NUP93: variants seen among roughly 807,000 people sequenced by gnomAD.
NUP93 encodes nuclear pore complex protein Nup93.
NUP93 carries 55 observed loss-of-function variants against 107.8 expected under a neutral mutation model. The observed-to-expected ratio is 0.51, with a 90% CI of 0.41 to 0.64. NUP93 has a LOEUF of 0.64. Ranked by LOEUF, NUP93 falls within the 30% of genes least tolerant of loss-of-function variation. The pLI is 0.00. For synonymous variants in NUP93, 390 were observed against 397.5 expected (o/e 0.98, Z 0.22); for missense variants, 937 against 1,044.7 (o/e 0.90, Z 1.42).
intron 3 of NUP93, among the ~76,000 whole-genome samples, chr16:56,765,752 A>G (rs1456016074): frequency 6.6e-6 from 1 of 152,226 alleles, no homozygotes; most frequent in African/African-American, 2.4e-5. Flanking sequence ...TAGAGCTGGT[A>G]AAAACCATTA....
intron 2 of NUP93, 127 bp downstream of exon 2, chr16:56,748,553 A>C: frequency 9.9e-6 from 8 of 809,920 alleles, no homozygotes; most frequent in African/African-American, 1.7e-5. Context: ...TTGGGAACTC[A>C]GAAAGTGTTG....
chr16:56,731,983 C>G (rs1448772461), intron 1 of NUP93, among the ~76,000 whole-genome samples: 1 of 152,152 alleles, frequency 6.6e-6, no homozygotes, highest in Non-Finnish European at 1.5e-5. Context: ...TTTACATAAT[C>G]TGACCCACTG....
chr16:56,846,039 G>A lies in NUP93; in HGVS notation c.*1430G>A, dbSNP rs1197500358. Reference sequence around the variant, plus strand: ...AGTCTTGAAACATGAGCCCTGCAGAGGCCTTGATTTAGCAAGTTGTGCCCT... The same window carrying A: ...AGTCTTGAAACATGAGCCCTGCAGAAGCCTTGATTTAGCAAGTTGTGCCCT... On this transcript the variant is annotated 3_prime_UTR_variant, in exon 22 of 22. Transcript: ENST00000308159. 1 of 152,118 alleles carries A rather than the reference G, an allele frequency of 6.6e-6. No homozygotes were observed. The highest frequency in any genetic ancestry group is 1.5e-5 in the Non-Finnish European group (1 of 68,036). The allele number at this position is 152,118 out of a possible 1,614,324, so 9.4% of individuals were successfully genotyped here.
At chr16:56,756,230 A>C (rs1258733872) in intron 2 of NUP93, among the ~76,000 whole-genome samples, 1 of 149,462 alleles carries the variant, frequency 6.7e-6, no homozygotes, top group Admixed American at 6.8e-5. Flanking sequence ...ACACTTATCA[A>C]CCTGTCATCT....
chr16:56,752,697 AC>A (rs1323808738), intron 2 of NUP93, among the ~76,000 whole-genome samples: 4 of 152,240 alleles, frequency 2.6e-5, no homozygotes, highest in Non-Finnish European at 4.4e-5. Flanking sequence ...AATAGCCAAA[AC>A]AATCTTTAAA....
intron 5 of NUP93, 62 bp downstream of exon 5, chr16:56,805,694 C>T: frequency 6.5e-7 from 1 of 1,529,770 alleles, no homozygotes; most frequent in Non-Finnish European, 8.9e-7. Context: ...GAATACTTGT[C>T]TACTTGACTA....
In NUP93 at chr16:56,774,327, C is replaced by T. The variant is rs1962373684; in HGVS notation, c.297+15672C>T. ...GGAGCCAGGAGAGATGAAAGATGGA[C>T]TTGTTTTTATTCATTAACCTGATTT... On this transcript the variant is annotated intron_variant, in intron 3 of 21. Transcript: ENST00000308159. Among the ~76,000 whole-genome samples, 3 of 152,302 alleles carry T rather than the reference C, an allele frequency of 2.0e-5. No homozygotes were observed. The South Asian group carries it at 6.2e-4, about 32-fold the overall frequency.
At chr16:56,815,027 A>G (rs1250968503) in intron 5 of NUP93, among the ~76,000 whole-genome samples, 1 of 152,232 alleles carries the variant, frequency 6.6e-6, no homozygotes, top group African/African-American at 2.4e-5. Context: ...GGGCAACTGA[A>G]GGATAGGTAC....
chr16:56,748,176 A>G, intron 1 of NUP93, 58 bp from the exon 2 acceptor site: 1 of 1,182,816 alleles, frequency 8.5e-7, no homozygotes, highest in Non-Finnish European at 1.2e-6. Flanking sequence ...AGATTCAGGC[A>G]GTGTTTGAAA....
intron 8 of NUP93, among the ~76,000 whole-genome samples, chr16:56,825,111 C>T (rs1186357468): frequency 6.6e-6 from 1 of 150,540 alleles, no homozygotes; most frequent in Admixed American, 6.6e-5. Context: ...TGCTGGAGTG[C>T]AGTGGCATAA....
intron 2 of NUP93, among the ~76,000 whole-genome samples, chr16:56,758,138 ACT>A (rs1424047257): frequency 3.3e-5 from 5 of 151,570 alleles, no homozygotes; most frequent in African/African-American, 1.2e-4. Flanking sequence ...CCACTTCCTG[ACT>A]CTGTGACTTT....
chr16:56,763,921 C>A (rs1248526136), intron 3 of NUP93, among the ~76,000 whole-genome samples: 1 of 151,852 alleles, frequency 6.6e-6, no homozygotes, highest in African/African-American at 2.4e-5. Flanking sequence ...AGATGGAAAT[C>A]TGTCCTATAT....
intron 1 of NUP93, among the ~76,000 whole-genome samples, chr16:56,745,633 T>G (rs1171411511): frequency 6.6e-6 from 1 of 152,180 alleles, no homozygotes; most frequent in Admixed American, 6.5e-5. Flanking sequence ...GTTGGTTGAT[T>G]GGATGTAGGA....
intron 8 of NUP93, among the ~76,000 whole-genome samples, chr16:56,827,668 C>A (rs1963696500): frequency 6.6e-6 from 1 of 152,192 alleles, no homozygotes; most frequent in Non-Finnish European, 1.5e-5. Context: ...AATGATCCAG[C>A]TTACAAGATA....
intron 8 of NUP93, among the ~76,000 whole-genome samples, chr16:56,827,469 T>TTATTAAGTACA (rs1244062747): frequency 6.6e-6 from 1 of 152,210 alleles, no homozygotes; most frequent in Non-Finnish European, 1.5e-5. Context: ...CACAGACTAC[T>TTATTAAGTACA]TATTAAGTAC....
Position 56,831,936 on chromosome 16 carries a change from A to G in NUP93, c.1180A>G (p.Ile394Val). The change falls in exon 11 of 22, where the codon ATT becomes GTT. Residue 394 changes from isoleucine to valine, a missense_variant. Coordinates refer to ENST00000308159, the MANE Select transcript of NUP93 (RefSeq NM_014669.5). The part of the protein sequence containing the change: ...DPYKRAVYCI[I>V]GRCDVTDNQS... Reference sequence around the variant, plus strand: ...CTACAAGCGGGCCGTGTACTGTATCATTGGCAGATGTGACGTCACCGACAA... The same window carrying G: ...CTACAAGCGGGCCGTGTACTGTATCGTTGGCAGATGTGACGTCACCGACAA... 1.9e-6 allele frequency: 3 copies of G among 1,614,156 alleles called. No individual in the cohort carries two copies. Among genetic ancestry groups the G allele is most frequent in the Non-Finnish European group, 2.5e-6 (3 of 1,180,012 alleles).
At chr16:56,799,226 T>C (rs1962967538) in intron 4 of NUP93, among the ~76,000 whole-genome samples, 1 of 152,074 alleles carries the variant, frequency 6.6e-6, no homozygotes, top group South Asian at 2.1e-4. Flanking sequence ...ACAATATGAG[T>C]GGACCACCTT....
chr16:56,839,822 C>A, intron 20 of NUP93: 1 of 516,322 alleles, frequency 1.9e-6, no homozygotes, highest in African/African-American at 1.9e-5. Flanking sequence ...TGAGAAAATA[C>A]AGTCACTTCA....
At chr16:56,813,058 A>G (rs570259494) in intron 5 of NUP93, among the ~76,000 whole-genome samples, 2 of 152,272 alleles carry the variant, frequency 1.3e-5, no homozygotes, top group Admixed American at 6.5e-5. Context: ...CCCTTAATGT[A>G]TTGTCTGGAA....
Sources: gnomAD v4.1 joint callset for allele counts (sites outside exome capture counted in the v4.1 genomes callset) on GRCh38, gnomAD v4.1.1 for gene constraint, MANE v1.5 for transcripts, NCBI Gene and HGNC (gene_info 2026-07-23, HGNC 2026-07-21) for gene names.